The following CDK19 variants were observed in gnomAD, a reference collection of about 807,000 sequenced individuals.
The protein encoded by CDK19 is cyclin dependent kinase 19.
A neutral mutation model predicts 68.3 loss-of-function variants in CDK19; 20 were observed. The ratio of observed to expected loss-of-function variants is 0.29; its 90% CI spans 0.21 to 0.43. The LOEUF (loss-of-function observed/expected upper bound fraction) is 0.43, where lower values mean the gene tolerates loss of function less well. CDK19 is among the 20% of genes least tolerant of loss of function. The probability of loss-of-function intolerance (pLI) is 1.00; values close to 1 mark genes in which losing one functional copy is unlikely to be tolerated. For synonymous variants in CDK19, 221 were observed against 222.8 expected (o/e 0.99, Z 0.07); for missense variants, 339 against 623.5 (o/e 0.54, Z 4.86).
rs369233654 is a variant in CDK19, at chr6:110,783,899, CCT to C, written c.128+31108_128+31109del. On this transcript the variant is annotated intron_variant, in intron 1 of 12. Transcript: ENST00000368911. ...GGCAGGCTGGGCACGGTGGCTCACG[CCT>C]GTTATCCCAGCATTTTGGGAGGCCG... is the stretch of plus-strand genomic sequence containing the variant. 2.7e-3 allele frequency among the ~76,000 whole-genome samples: 412 copies of C among 152,018 alleles called. 3 individuals are homozygous for C. Among genetic ancestry groups the C allele is most frequent in the South Asian group, 0.013 (63 of 4,806 alleles).
chr6:110,627,325 T>C (rs1319289243), intron 6 of CDK19, among the ~76,000 whole-genome samples, 180 bp from the exon 7 acceptor site: 2 of 152,000 alleles, frequency 1.3e-5, no homozygotes, highest in Non-Finnish European at 2.9e-5. Flanking sequence ...TGTGTATATA[T>C]AGGTATGTAT....
At chr6:110,770,878 G>A (rs748355330) in intron 1 of CDK19, among the ~76,000 whole-genome samples, 4 of 152,136 alleles carry the variant, frequency 2.6e-5, no homozygotes, top group Non-Finnish European at 4.4e-5. Context: ...ATGCAAATCC[G>A]AAACCCAGCA....
intron 5 of CDK19, among the ~76,000 whole-genome samples, chr6:110,632,559 C>T (rs1779506193): frequency 3.3e-5 from 5 of 152,058 alleles, no homozygotes; most frequent in African/African-American, 4.8e-5. Flanking sequence ...GGTGAAACAC[C>T]ATCTCTACTA....
At chr6:110,688,923 A>C (rs1267280554) in intron 2 of CDK19, among the ~76,000 whole-genome samples, 2 of 152,206 alleles carry the variant, frequency 1.3e-5, no homozygotes, top group East Asian at 3.8e-4. Flanking sequence ...AGTGTGCTGC[A>C]GCCATGAGTG....
At chr6:110,705,136 G>A (rs1774343365) in intron 2 of CDK19, among the ~76,000 whole-genome samples, 1 of 151,726 alleles carries the variant, frequency 6.6e-6, no homozygotes. Flanking sequence ...TGCCTACCAG[G>A]TTCAAGCAAT....
chr6:110,756,006 T>A lies in CDK19; in HGVS notation c.129-9805A>T, dbSNP rs543242671. 4.6e-5 allele frequency among the ~76,000 whole-genome samples: 7 copies of A among 152,260 alleles called. No individual in the cohort carries two copies. The South Asian group carries it at 1.5e-3, about 32-fold the overall frequency. ...CAGATGCGGTGGCTCATGCCTGTGA[T>A]CCCAACACTTTGGGAGACCAAGGCA... On this transcript the variant is annotated intron_variant, in intron 1 of 12. Transcript: ENST00000368911.
chr6:110,766,167 A>G (rs1031210327), intron 1 of CDK19, among the ~76,000 whole-genome samples: 1 of 152,252 alleles, frequency 6.6e-6, no homozygotes, highest in Non-Finnish European at 1.5e-5. Context: ...TTGCAGCACT[A>G]TTCACAATAC....
At chr6:110,659,560 T>C (rs12332971) in intron 4 of CDK19, among the ~76,000 whole-genome samples, 2,119 of 152,300 alleles carry the variant, frequency 0.014, 51 homozygotes, top group African/African-American at 0.049. Context: ...AAGAGTAGAA[T>C]ATAGAAATAA....
At chr6:110,687,790 A>T (rs1230140158) in intron 2 of CDK19, among the ~76,000 whole-genome samples, 2 of 152,216 alleles carry the variant, frequency 1.3e-5, no homozygotes, top group Admixed American at 6.5e-5. Context: ...AAGAATCTAG[A>T]AATCACTAAA....
At chr6:110,617,662 T>TATATACACAC (rs755618032) in intron 12 of CDK19, among the ~76,000 whole-genome samples, 3,591 of 106,980 alleles carry the variant, frequency 0.034, 97 homozygotes, top group Non-Finnish European at 0.039. Context: ...TATATATATA[T>TATATACACAC]ACACACACAC....
chr6:110,815,337 TTCC>T lies in CDK19; in HGVS notation c.-204_-202del, dbSNP rs1458314148. ...CCACAGCAGCCACCTCCTCCACCTC[TTCC>T]TCCTCCTCCTCCGCGACGGCGGCGG... On this transcript the variant is annotated 5_prime_UTR_variant, in exon 1 of 13. Transcript: ENST00000368911. 179 of 371,744 alleles carry T rather than the reference TTCC, an allele frequency of 4.8e-4. No individual in the cohort carries two copies. The highest frequency in any genetic ancestry group is 8.6e-4 in the South Asian group (13 of 15,110). 23.0% of individuals were successfully genotyped at this position (371,744 alleles called of 1,614,324 possible).
rs181245554 is a variant in CDK19 at position 110,633,753 on chromosome 6, T to C, written c.515-1592A>G. The stretch of plus-strand genomic sequence containing the variant: ...TTCATATACATCATATTTCACCTCA[T>C]TGAATCCTCATAAGAACACTGGTTT... On this transcript the variant is annotated intron_variant, in intron 5 of 12. Coordinates refer to ENST00000368911, the MANE Select transcript of CDK19 (RefSeq NM_015076.5). Among the ~76,000 whole-genome samples the C allele has an allele frequency of 1.3e-3, 192 of 152,346 alleles. 1 individual carries two copies. The highest frequency in any genetic ancestry group is 5.8e-4 in the East Asian group (3 of 5,186).
At chr6:110,772,301 A>C (rs1780074777) in intron 1 of CDK19, among the ~76,000 whole-genome samples, 1 of 152,140 alleles carries the variant, frequency 6.6e-6, no homozygotes, top group Non-Finnish European at 1.5e-5. Context: ...AGGATCCAAA[A>C]ACGGAAACCC....
chr6:110,763,633 T>C (rs1779378976), intron 1 of CDK19, among the ~76,000 whole-genome samples: 1 of 152,026 alleles, frequency 6.6e-6, no homozygotes, highest in African/African-American at 2.4e-5. Context: ...CAGGCTGGTC[T>C]CAAACTCCCA....
At chr6:110,707,735 C>G (rs930132503) in intron 2 of CDK19, among the ~76,000 whole-genome samples, 1 of 152,146 alleles carries the variant, frequency 6.6e-6, no homozygotes, top group South Asian at 2.1e-4. Flanking sequence ...CTTTGGGAAG[C>G]TGAGGCAGGT....
intron 2 of CDK19, among the ~76,000 whole-genome samples, chr6:110,733,559 C>G (rs1469071776): frequency 2.6e-5 from 4 of 152,156 alleles, no homozygotes. Flanking sequence ...CCGTTTCATG[C>G]TTCCATCAGT....
chr6:110,757,068 C>T (rs1025258118), intron 1 of CDK19, among the ~76,000 whole-genome samples: 14 of 152,164 alleles, frequency 9.2e-5, no homozygotes, highest in Admixed American at 2.0e-4. Flanking sequence ...TGATGGCACT[C>T]ACATAATGCT....
At chr6:110,620,675 C>G (rs1472408608) in intron 12 of CDK19, among the ~76,000 whole-genome samples, 1 of 152,142 alleles carries the variant, frequency 6.6e-6, no homozygotes, top group Admixed American at 6.5e-5. Flanking sequence ...GTCTTAGCCC[C>G]CTTCTCTTCT....
chr6:110,710,426 G>C (rs533516227), intron 2 of CDK19, among the ~76,000 whole-genome samples: 1 of 152,264 alleles, frequency 6.6e-6, no homozygotes, highest in East Asian at 1.9e-4. Flanking sequence ...GAAAGAACCT[G>C]GGATCATCAG....
Sources: gnomAD v4.1 joint callset for allele counts (sites outside exome capture counted in the v4.1 genomes callset) on GRCh38, gnomAD v4.1.1 for gene constraint, MANE v1.5 for transcripts, NCBI Gene and HGNC (gene_info 2026-07-23, HGNC 2026-07-21) for gene names.